The following MAGI1 variants were observed in gnomAD, a reference collection of about 807,000 sequenced individuals.
MAGI1 encodes membrane associated guanylate kinase, WW and PDZ domain containing 1.
In MAGI1, 58 loss-of-function variants were observed where a neutral mutation model predicts 139.9. The observed-to-expected ratio is 0.41, with a 90% confidence interval of 0.34 to 0.52. The LOEUF (loss-of-function observed/expected upper bound fraction) is 0.52, where lower values mean the gene tolerates loss of function less well. MAGI1 is among the 20% of genes least tolerant of loss of function. The pLI is 0.12. For missense variants in MAGI1, 1,874 were observed against 1,901.6 expected (o/e 0.99, Z 0.27); for synonymous variants, 812 against 737.9 (o/e 1.10, Z -1.63).
chr3:65,576,057 G>GTATATTAAT (rs1321789772), intron 2 of MAGI1, among the ~76,000 whole-genome samples: 2 of 152,118 alleles, frequency 1.3e-5, no homozygotes, highest in Admixed American at 1.3e-4. Context: ...ACAGGATATT[G>GTATATTAAT]TATATTAATT....
chr3:65,546,237 C>G (rs1576275233), intron 2 of MAGI1, among the ~76,000 whole-genome samples: 1 of 152,200 alleles, frequency 6.6e-6, no homozygotes, highest in South Asian at 2.1e-4. Context: ...ATTCTAGGAA[C>G]CACTAAAAAA....
chr3:66,002,187 T>C (rs866539322), intron 1 of MAGI1, among the ~76,000 whole-genome samples: 1 of 152,210 alleles, frequency 6.6e-6, no homozygotes, highest in African/African-American at 2.4e-5. Context: ...ATAAGGCATT[T>C]TAAATTCGCA....
intron 1 of MAGI1, among the ~76,000 whole-genome samples, chr3:65,801,697 G>A (rs1312996444): frequency 1.3e-5 from 2 of 152,168 alleles, no homozygotes; most frequent in Non-Finnish European, 2.9e-5. Context: ...AAGTTTAGTG[G>A]AACCTAACAT....
At chr3:65,911,486 T>C (rs2061668332) in intron 1 of MAGI1, among the ~76,000 whole-genome samples, 1 of 152,142 alleles carries the variant, frequency 6.6e-6, no homozygotes, top group Admixed American at 6.6e-5. Context: ...CATGTATCTA[T>C]TGTTTGTTCA....
At chr3:65,509,839 C>T (rs1192934480) in intron 2 of MAGI1, among the ~76,000 whole-genome samples, 1 of 152,122 alleles carries the variant, frequency 6.6e-6, no homozygotes, top group African/African-American at 2.4e-5. Flanking sequence ...GTAGGCTCCA[C>T]CTCTGGGGGC....
Position 65,798,198 on chromosome 3 carries a change from G to A in MAGI1, c.314-176110C>T, listed in dbSNP as rs1212563829. 2.0e-5 allele frequency among the ~76,000 whole-genome samples: 3 copies of A among 151,948 alleles called. No homozygotes were observed. The East Asian group carries it at 5.8e-4, about 29-fold the overall frequency. The stretch of plus-strand genomic sequence containing the variant: ...GTGTGCCTGTAATCCCAGCTACTTG[G>A]GAGGCTTAGAAAAGAGAATCACTTG... On this transcript the variant is annotated intron_variant, in intron 1 of 22. Coordinates refer to ENST00000402939, the MANE Select transcript of MAGI1 (RefSeq NM_001033057.2).
intron 14 of MAGI1, among the ~76,000 whole-genome samples, chr3:65,389,538 G>C (rs898978057): frequency 2.0e-5 from 3 of 152,206 alleles, no homozygotes; most frequent in Non-Finnish European, 4.4e-5. Context: ...CACAAGCTCA[G>C]AGAGAAATGC....
chr3:65,722,764 C>T (rs922687694), intron 1 of MAGI1, among the ~76,000 whole-genome samples: 1 of 149,982 alleles, frequency 6.7e-6, no homozygotes, highest in Non-Finnish European at 1.5e-5. Flanking sequence ...TTATGAACAA[C>T]GTTAGCAGAA....
chr3:66,004,943 T>C (rs6802722), intron 1 of MAGI1, among the ~76,000 whole-genome samples: 27,828 of 152,100 alleles, frequency 0.18, 3,544 homozygotes, highest in African/African-American at 0.36. Context: ...TCAACATATA[T>C]TATTGTATAT....
chr3:65,524,653 G>A lies in MAGI1; in HGVS notation c.431-31022C>T, dbSNP rs1216613428. On this transcript the variant is annotated intron_variant, in intron 2 of 22. Coordinates refer to ENST00000402939, the MANE Select transcript of MAGI1 (RefSeq NM_001033057.2). Reference sequence around the variant, plus strand: ...ACATCCTACTCTGCTGCCCTGGTGTGTGAGTCTGAAAATAGTGAAGGGCAT... The same window carrying A: ...ACATCCTACTCTGCTGCCCTGGTGTATGAGTCTGAAAATAGTGAAGGGCAT... Among the ~76,000 whole-genome samples, 29 of 152,196 alleles carry A rather than the reference G, an allele frequency of 1.9e-4. 1 individual carries two copies. The highest frequency in any genetic ancestry group is 1.9e-3 in the Admixed American group (29 of 15,278).
At chr3:65,435,752 G>C (rs1947803431) in intron 10 of MAGI1, among the ~76,000 whole-genome samples, 1 of 152,122 alleles carries the variant, frequency 6.6e-6, no homozygotes, top group Non-Finnish European at 1.5e-5. Flanking sequence ...AACATGGTAG[G>C]GGAATCTAGC....
intron 1 of MAGI1, among the ~76,000 whole-genome samples, chr3:65,700,598 G>A (rs930764363): frequency 1.4e-4 from 22 of 152,096 alleles, no homozygotes; most frequent in African/African-American, 5.1e-4. Context: ...TTCCATGGCT[G>A]CCCTGGATCT....
At chr3:65,387,018 C>T (rs1156764234) in intron 14 of MAGI1, 2 of 778,770 alleles carry the variant, frequency 2.6e-6, no homozygotes, top group African/African-American at 3.5e-5. Flanking sequence ...CTCCAAAGCA[C>T]TTCCCTTCAT....
At chr3:66,019,989 C>T (rs1343877135) in intron 1 of MAGI1, among the ~76,000 whole-genome samples, 2 of 152,224 alleles carry the variant, frequency 1.3e-5, no homozygotes, top group Admixed American at 1.3e-4. Flanking sequence ...CCACCCGTTA[C>T]TGCAAGTGGG....
At chr3:65,458,465 G>A (rs530756365) in intron 5 of MAGI1, among the ~76,000 whole-genome samples, 3 of 150,426 alleles carry the variant, frequency 2.0e-5, no homozygotes, top group East Asian at 2.0e-4. Flanking sequence ...CCACATCCTC[G>A]CCAGCATTTG....
intron 1 of MAGI1, among the ~76,000 whole-genome samples, chr3:65,642,493 C>G (rs942995864): frequency 1.3e-5 from 2 of 152,100 alleles, no homozygotes; most frequent in Non-Finnish European, 2.9e-5. Flanking sequence ...AACCAGATAC[C>G]AAAATTTTGA....
intron 1 of MAGI1, among the ~76,000 whole-genome samples, chr3:65,772,192 T>C (rs1318755067): frequency 6.6e-6 from 1 of 152,056 alleles, no homozygotes. Context: ...CAAGACTCCG[T>C]CTCAAGAAAA....
At chr3:65,564,849 C>T (rs769427500) in intron 2 of MAGI1, among the ~76,000 whole-genome samples, 2 of 152,162 alleles carry the variant, frequency 1.3e-5, no homozygotes, top group Non-Finnish European at 2.9e-5. Context: ...CCCATACTGC[C>T]AACCAGCTCA....
chr3:65,903,754 T>A (rs1480084297), intron 1 of MAGI1, among the ~76,000 whole-genome samples: 1 of 152,146 alleles, frequency 6.6e-6, no homozygotes, highest in Non-Finnish European at 1.5e-5. Flanking sequence ...ACACCTGTAA[T>A]CCCAGCATTT....
Sources: gnomAD v4.1 joint callset for allele counts (sites outside exome capture counted in the v4.1 genomes callset) on GRCh38, gnomAD v4.1.1 for gene constraint, MANE v1.5 for transcripts, NCBI Gene and HGNC (gene_info 2026-07-23, HGNC 2026-07-21) for gene names.